The following ABCC1 variants were observed in gnomAD, a reference collection of about 807,000 sequenced individuals.
ABCC1 encodes the protein multidrug resistance-associated protein 1.
Under a neutral mutation model 172.9 loss-of-function variants are expected in ABCC1, and 83 were observed. That is an observed-to-expected ratio of 0.48 (90% CI 0.40 to 0.58). The LOEUF is 0.58. ABCC1 is among the 20% of genes least tolerant of loss of function. The pLI is 0.00. For missense variants in ABCC1, 1,817 were observed against 2,002.7 expected (o/e 0.91, Z 1.77); for synonymous variants, 937 against 825.2 (o/e 1.14, Z -2.32).
At chr16:15,951,127 G>C (rs2045861556) in intron 1 of ABCC1, among the ~76,000 whole-genome samples, 1 of 152,194 alleles carries the variant, frequency 6.6e-6, no homozygotes, top group Admixed American at 6.5e-5. Context: ...TGGCTTCCTT[G>C]TTGCCAGGTG....
intron 29 of ABCC1, among the ~76,000 whole-genome samples, chr16:16,137,029 A>G (rs970296041): frequency 5.3e-5 from 8 of 152,180 alleles, no homozygotes; most frequent in Admixed American, 5.2e-4. Flanking sequence ...AGCTCTGTCC[A>G]TGACCCAGCA....
intron 11 of ABCC1, among the ~76,000 whole-genome samples, chr16:16,055,439 A>C (rs2049607328): frequency 6.6e-6 from 1 of 151,882 alleles, no homozygotes; most frequent in African/African-American, 2.4e-5. Context: ...AGTCCCAGCT[A>C]CTCAGGAGGC....
At chr16:16,048,345 C>G in intron 10 of ABCC1, 42 bp downstream of exon 10, 1 of 1,607,754 alleles carries the variant, frequency 6.2e-7, no homozygotes. Context: ...CAGGGAGGGA[C>G]TTCTACGTGT....
chr16:15,998,406 C>T (rs530582600), intron 1 of ABCC1, among the ~76,000 whole-genome samples: 1 of 152,168 alleles, frequency 6.6e-6, no homozygotes, highest in African/African-American at 2.4e-5. Context: ...GGTTTACAGG[C>T]GTGAGCCACT....
chr16:16,046,971 A>T (rs1226319234), intron 9 of ABCC1, among the ~76,000 whole-genome samples: 1 of 125,094 alleles, frequency 8.0e-6, no homozygotes, highest in Non-Finnish European at 1.6e-5. Context: ...AAGGTGGGGG[A>T]ATCACTGGAG....
intron 24 of ABCC1, among the ~76,000 whole-genome samples, chr16:16,124,377 CTGTGTGTGTGTGTG>C (rs10673887): frequency 2.2e-5 from 1 of 44,834 alleles, no homozygotes; most frequent in Non-Finnish European, 5.6e-5. Flanking sequence ...CTACGCCCGG[CTGTGTGTGTGTGTG>C]TGTGTGTGTG....
intron 5 of ABCC1, among the ~76,000 whole-genome samples, chr16:16,020,774 G>A (rs1295988164): frequency 6.6e-6 from 1 of 152,192 alleles, no homozygotes; most frequent in African/African-American, 2.4e-5. Flanking sequence ...TGCTTGCGGT[G>A]TACTGGCTAG....
intron 9 of ABCC1, among the ~76,000 whole-genome samples, chr16:16,046,553 C>T (rs1297522750): frequency 1.3e-5 from 2 of 152,078 alleles, no homozygotes; most frequent in African/African-American, 4.8e-5. Context: ...CCATGTTGGC[C>T]AGGCTGATCT....
At position 15,949,719 on chromosome 16, in the gene ABCC1, C is replaced by T; in HGVS notation, c.-33C>T. On this transcript the variant is annotated 5_prime_UTR_variant, in exon 1 of 31. Transcript: ENST00000399410. ...CCAGCAACCGGGCCCGATCACCCGC[C>T]GCCCGGTGCCCGCCGCCGCCCGCGC... 3.5e-6 allele frequency: 4 copies of T among 1,126,884 alleles called. No individual in the cohort carries two copies. Among genetic ancestry groups the T allele is most frequent in the Non-Finnish European group, 4.3e-6 (4 of 919,904 alleles). 69.8% of individuals were successfully genotyped at this position (1,126,884 alleles called of 1,614,324 possible).
At chr16:15,959,874 CTG>C (rs2046090133) in intron 1 of ABCC1, among the ~76,000 whole-genome samples, 1 of 152,144 alleles carries the variant, frequency 6.6e-6, no homozygotes, top group Admixed American at 6.6e-5. Flanking sequence ...CTCTTCCTCT[CTG>C]TGAGTTTTCT....
intron 7 of ABCC1, among the ~76,000 whole-genome samples, chr16:16,044,091 G>A (rs1430739663): frequency 6.6e-6 from 1 of 152,186 alleles, no homozygotes; most frequent in African/African-American, 2.4e-5. Flanking sequence ...GATCAGTTTG[G>A]AGCCATCAGT....
intron 5 of ABCC1, 117 bp downstream of exon 5, chr16:16,016,738 C>A (rs1597122937): frequency 7.0e-6 from 10 of 1,421,638 alleles, no homozygotes; most frequent in Non-Finnish European, 9.6e-6. Flanking sequence ...CCCTCAACCC[C>A]TGATACAGGG....
intron 23 of ABCC1, among the ~76,000 whole-genome samples, chr16:16,117,695 CA>C (rs1436886213): frequency 6.6e-6 from 1 of 152,196 alleles, no homozygotes; most frequent in Non-Finnish European, 1.5e-5. Context: ...CACCTGAAGT[CA>C]GGAGTTCGAG....
chr16:15,995,484 G>C (rs1179538533), intron 1 of ABCC1, among the ~76,000 whole-genome samples: 1 of 151,080 alleles, frequency 6.6e-6, no homozygotes. Context: ...TCTTCTTCAA[G>C]CCATTTGCTC....
rs10673887 is a variant in ABCC1 at position 16,124,377 on chromosome 16, C to CTGTGTGTGTGTG, written c.3591-390_3591-379dup. Among the ~76,000 whole-genome samples the CTGTGTGTGTGTG allele has an allele frequency of 6.7e-5, 3 of 44,834 alleles. 1 individual carries two copies. The highest frequency in any genetic ancestry group is 1.9e-4 in the African/African-American group (3 of 15,696). The allele number at this position is 44,834 out of a possible 152,430, so 29.4% of individuals were successfully genotyped here. A position where few individuals can be genotyped will look rare whatever the true frequency, so the allele number is the denominator to read the frequency against. ...TATAGGAGTGACCCACTACGCCCGG[C>CTGTGTGTGTGTG]TGTGTGTGTGTGTGTGTGTGTGTGT... On this transcript the variant is annotated intron_variant, in intron 24 of 30. Transcript: ENST00000399410.
intron 12 of ABCC1, among the ~76,000 whole-genome samples, chr16:16,059,665 AGTG>A (rs774389931): frequency 6.6e-6 from 1 of 151,946 alleles, no homozygotes; most frequent in Non-Finnish European, 1.5e-5. Context: ...ATTAGCTGGA[AGTG>A]GTGGTGCGCA....
At chr16:16,003,874 A>G (rs1418831088) in intron 1 of ABCC1, among the ~76,000 whole-genome samples, 1 of 137,838 alleles carries the variant, frequency 7.3e-6, no homozygotes, top group Non-Finnish European at 1.6e-5. Flanking sequence ...AGGTGGATGG[A>G]TGAATGAATT....
chr16:16,080,542 C>A (rs550589030), intron 16 of ABCC1, among the ~76,000 whole-genome samples: 2 of 152,144 alleles, frequency 1.3e-5, no homozygotes, highest in Non-Finnish European at 2.9e-5. Context: ...CCTAGTGTAA[C>A]GACACGTCCC....
intron 19 of ABCC1, among the ~76,000 whole-genome samples, chr16:16,092,582 A>G (rs2051299844): frequency 6.6e-6 from 1 of 152,222 alleles, no homozygotes; most frequent in Non-Finnish European, 1.5e-5. Context: ...ATAATATGCC[A>G]TTGTGCAGAT....
Sources: gnomAD v4.1 joint callset for allele counts (sites outside exome capture counted in the v4.1 genomes callset) on GRCh38, gnomAD v4.1.1 for gene constraint, MANE v1.5 for transcripts, NCBI Gene and HGNC (gene_info 2026-07-23, HGNC 2026-07-21) for gene names.